Variants in ZNF329 observed in about 807,000 individuals in gnomAD.
ZNF329 encodes the protein zinc finger protein 329.
Under a neutral mutation model 26.6 loss-of-function variants are expected in ZNF329, and 15 were observed. The observed-to-expected ratio is 0.56, with a 90% CI of 0.38 to 0.87. The LOEUF (loss-of-function observed/expected upper bound fraction) is 0.87. ZNF329 is among the 40% of genes least tolerant of loss of function. ZNF329 has a pLI of 0.00. For synonymous variants in ZNF329, 239 were observed against 233.5 expected (o/e 1.02, Z -0.21); for missense variants, 651 against 651.9 (o/e 1.00, Z 0.02).
At chr19:58,149,254 C>A (rs1271540105) in intron 1 of ZNF329, among the ~76,000 whole-genome samples, 1 of 152,146 alleles carries the variant, frequency 6.6e-6, no homozygotes, top group Non-Finnish European at 1.5e-5. Flanking sequence ...CAAGAAATAA[C>A]CATAAAAATG....
intron 1 of ZNF329, among the ~76,000 whole-genome samples, chr19:58,147,473 C>T (rs1160050273): frequency 6.8e-6 from 1 of 146,394 alleles, no homozygotes; most frequent in East Asian, 2.0e-4. Context: ...TGAGGGGCGC[C>T]TCTGCCCAGC....
intron 3 of ZNF329, 74 bp from the exon 4 acceptor site, chr19:58,129,585 G>A: frequency 1.6e-6 from 2 of 1,289,768 alleles, no homozygotes; most frequent in South Asian, 3.0e-5. Context: ...ATGATGATGG[G>A]CTAGGTGTAA....
intron 1 of ZNF329, among the ~76,000 whole-genome samples, chr19:58,148,080 C>CTGTG (rs953414826): frequency 6.6e-5 from 10 of 151,968 alleles, no homozygotes; most frequent in African/African-American, 2.4e-4. Flanking sequence ...TCCTGTTGAT[C>CTGTG]TGTGACCTTA....
intron 1 of ZNF329, among the ~76,000 whole-genome samples, chr19:58,145,278 C>A (rs1568673463): frequency 6.6e-6 from 1 of 150,528 alleles, no homozygotes. Context: ...CGTGAGCCAC[C>A]ACTACATCAA....
At position 58,128,269 on chromosome 19, in the gene ZNF329, G is replaced by A. The variant is rs959178598; in HGVS notation, c.1235C>T (p.Ala412Val). Residue 412 changes from alanine (A) to valine (V), a missense_variant, in exon 4 of 4, where the codon GCG (alanine) becomes GTG (valine). Physicochemically the swap from Ala to Val is moderately conservative, Grantham distance 64. Coordinates refer to ENST00000598312, the MANE Select transcript of ZNF329 (RefSeq NM_024620.4). Reference protein sequence around the residue: ...KECGKTFIESAYLIRHQRIHT... With the variant: ...KECGKTFIESVYLIRHQRIHT... ...AATCCTCTGATGCCTGATGAGGTACGCACTCTCGATGAAAGTCTTGCCACA... is the reference window on the plus strand; with the variant it reads ...AATCCTCTGATGCCTGATGAGGTACACACTCTCGATGAAAGTCTTGCCACA... 4.4e-6 allele frequency: 7 copies of A among 1,607,838 alleles called. No homozygotes were observed. Among genetic ancestry groups the A allele is most frequent in the East Asian group, 2.2e-5 (1 of 44,822 alleles).
chr19:58,145,092 G>A (rs545451733), intron 1 of ZNF329, among the ~76,000 whole-genome samples: 5,540 of 150,756 alleles, frequency 0.037, 355 homozygotes, highest in African/African-American at 0.13. Context: ...CTCGTGACCC[G>A]CCCGCCTCGG....
At chr19:58,144,366 ATCTATCTATCTATC>A in intron 1 of ZNF329, among the ~76,000 whole-genome samples, 3 of 78,508 alleles carry the variant, frequency 3.8e-5, no homozygotes, top group Admixed American at 1.4e-4. Context: ...CTATCTATCT[ATCTATCTATCTATC>A]TATATATATA....
chr19:58,141,918 G>C (rs905562709), intron 3 of ZNF329, among the ~76,000 whole-genome samples: 1 of 151,236 alleles, frequency 6.6e-6, no homozygotes, highest in Non-Finnish European at 1.5e-5. Context: ...CAAATTAGCC[G>C]GGTATGGTGG....
intron 1 of ZNF329, among the ~76,000 whole-genome samples, chr19:58,144,317 G>A (rs932598117): frequency 1.3e-4 from 20 of 150,412 alleles, no homozygotes; most frequent in Non-Finnish European, 2.4e-4. Flanking sequence ...CAGGACTACA[G>A]GTACCTGCCA....
intron 1 of ZNF329, among the ~76,000 whole-genome samples, chr19:58,147,386 T>C (rs898867832): frequency 1.3e-5 from 2 of 148,292 alleles, no homozygotes; most frequent in Non-Finnish European, 3.0e-5. Context: ...GAGGAGCGTC[T>C]CCGCCTGGCA....
intron 1 of ZNF329, among the ~76,000 whole-genome samples, chr19:58,150,008 T>C (rs2075413381): frequency 6.6e-6 from 1 of 152,130 alleles, no homozygotes; most frequent in African/African-American, 2.4e-5. Flanking sequence ...AGATAAGGGA[T>C]ACAGTAAGTT....
At chr19:58,144,396 A>ATATT (rs756544055) in intron 1 of ZNF329, among the ~76,000 whole-genome samples, 136 of 127,708 alleles carry the variant, frequency 1.1e-3, no homozygotes, top group African/African-American at 1.6e-3. Context: ...ATATATATAT[A>ATATT]TTTTTTTTTT....
At chr19:58,144,351 T>C (rs1165850062) in intron 1 of ZNF329, among the ~76,000 whole-genome samples, 1 of 90,836 alleles carries the variant, frequency 1.1e-5, no homozygotes, top group African/African-American at 4.0e-5. Context: ...ATTTTACATC[T>C]ATATCTATCT....
chr19:58,130,468 T>C (rs149323688), intron 3 of ZNF329, among the ~76,000 whole-genome samples: 2,806 of 150,940 alleles, frequency 0.019, 80 homozygotes, highest in African/African-American at 0.064. Context: ...GTCAGGAGAT[T>C]GAGACCATCC....
intron 3 of ZNF329, among the ~76,000 whole-genome samples, chr19:58,130,041 G>A (rs1040056045): frequency 5.3e-5 from 8 of 152,146 alleles, no homozygotes; most frequent in East Asian, 1.9e-4. Context: ...ATGACCTGGC[G>A]GGGCACAGTG....
At chr19:58,130,606 G>A (rs948365033) in intron 3 of ZNF329, among the ~76,000 whole-genome samples, 18 of 150,392 alleles carry the variant, frequency 1.2e-4, no homozygotes, top group African/African-American at 3.7e-4. Flanking sequence ...CCCGGGAGGC[G>A]GAGCTTGCAG....
At chr19:58,136,402 G>C (rs2075067580) in intron 3 of ZNF329, among the ~76,000 whole-genome samples, 1 of 152,036 alleles carries the variant, frequency 6.6e-6, no homozygotes, top group Non-Finnish European at 1.5e-5. Context: ...GGTCAGGCAT[G>C]GTGGCTCACA....
Position 58,129,543 on chromosome 19 carries a change from A to G in ZNF329, c.-8-32T>C, listed in dbSNP as rs141316083. ...AAAGAAGAAAAATGCAGACTTAGGTATATGAAGCTTTATCTGTAAGAGAAA... is the reference window on the plus strand; with the variant it reads ...AAAGAAGAAAAATGCAGACTTAGGTGTATGAAGCTTTATCTGTAAGAGAAA... On this transcript the variant is annotated intron_variant, in intron 3 of 3. Coordinates refer to ENST00000598312, the MANE Select transcript of ZNF329 (RefSeq NM_024620.4). 1.9e-3 allele frequency: 2,909 copies of G among 1,524,124 alleles called. 71 individuals carry two copies. The Admixed American group carries it at 0.042, about 22-fold the overall frequency. 94.4% of individuals were successfully genotyped at this position (1,524,124 alleles called of 1,614,324 possible). A position where few individuals can be genotyped will look rare whatever the true frequency, so the allele number is the denominator to read the frequency against.
chr19:58,138,793 T>A (rs1330347157), intron 3 of ZNF329, among the ~76,000 whole-genome samples: 2 of 151,866 alleles, frequency 1.3e-5, no homozygotes, highest in African/African-American at 4.8e-5. Flanking sequence ...GGCCAGGAGT[T>A]TGAGAACAGC....
Sources: allele counts gnomAD v4.1 joint callset (sites outside exome capture counted in the v4.1 genomes callset), GRCh38; gene constraint gnomAD v4.1.1; transcripts MANE v1.5; gene names NCBI Gene and HGNC (gene_info 2026-07-23, HGNC 2026-07-21).